Variants in CDH22 observed in about 807,000 individuals in gnomAD.
CDH22 encodes cadherin 22.
Under a neutral mutation model 58.4 loss-of-function variants are expected in CDH22, and 30 were observed. The ratio of observed to expected loss-of-function variants is 0.51; its 90% CI spans 0.38 to 0.70. CDH22 has a LOEUF of 0.70. CDH22 is among the 30% of genes least tolerant of loss of function. The probability of loss-of-function intolerance (pLI) is 0.00; values close to 1 mark genes in which losing one functional copy is unlikely to be tolerated. For missense variants in CDH22, 1,014 were observed against 1,233.9 expected, an observed-to-expected ratio of 0.82 and a Z score of 2.67; for synonymous variants, 513 against 558.2, an observed-to-expected ratio of 0.92 and a Z score of 1.14.
chr20:46,178,204 C>A lies in CDH22; in HGVS notation c.1664-7G>T. ...TGCACTGCAGCGGTGTTGTCTGTTC[C>A]GGAAGAAGGGGGAGCGGTGTGACTT... On this transcript the variant is annotated splice_polypyrimidine_tract_variant and splice_region_variant and intron_variant, in intron 10 of 11. Transcript: ENST00000537909. 1 of 1,606,936 alleles carries A rather than the reference C, an allele frequency of 6.2e-7. No individual in the cohort carries two copies. Among genetic ancestry groups the A allele is most frequent in the South Asian group, 1.1e-5 (1 of 90,856 alleles).
rs533534016 is a variant in CDH22, at chr20:46,198,911, G to A, written c.1423+512C>T. Among the ~76,000 whole-genome samples the A allele has an allele frequency of 2.0e-5, 3 of 151,286 alleles. No homozygotes were observed. In the East Asian group the frequency reaches 6.0e-4, roughly 30 times the overall value. On this transcript the variant is annotated intron_variant, in intron 8 of 11. Transcript: ENST00000537909. ...TAGATGTTCCCCTAAGAGAAGCAAC[G>A]CACCTCCTCCTCCCAGTTCCCTTTC...
At chr20:46,188,907 C>G (rs1019129074) in intron 8 of CDH22, among the ~76,000 whole-genome samples, 2 of 152,106 alleles carry the variant, frequency 1.3e-5, no homozygotes, top group African/African-American at 2.4e-5. Context: ...AGATGGGGCT[C>G]TCTGGCTGGG....
At position 46,210,564 on chromosome 20, in the gene CDH22, C is replaced by A; in HGVS notation, c.1033-4G>T. ...GCTGGGATTCGAAGTCCAGGCGCTG[C>A]GGGAGGGAGCAGAGGGCCGGTTAGT... On this transcript the variant is annotated splice_region_variant and splice_polypyrimidine_tract_variant and intron_variant, in intron 6 of 11. Coordinates refer to ENST00000537909, the MANE Select transcript of CDH22 (RefSeq NM_021248.3). The surrounding 1 kb of genome is among the most constrained non-coding windows in gnomAD (Gnocchi z 4.5). 7.0e-7 allele frequency: 1 copy of A among 1,425,936 alleles called. No homozygotes were observed. The highest frequency in any genetic ancestry group is 1.6e-5 in the South Asian group (1 of 62,318). 88.3% of individuals were successfully genotyped at this position (1,425,936 alleles called of 1,614,324 possible). A position where few individuals can be genotyped will look rare whatever the true frequency, so the allele number is the denominator to read the frequency against.
rs780493045 is a variant in CDH22 at position 46,186,833 on chromosome 20, G to A, written c.1538C>T (p.Pro513Leu). The A allele has an allele frequency of 6.2e-7, 1 of 1,604,284 alleles. No homozygotes were observed. Among genetic ancestry groups the A allele is most frequent in the Non-Finnish European group, 8.5e-7 (1 of 1,174,776 alleles). Reference protein sequence around the residue: ...YEAAVCEDAKPGQLIQTISVV... With the variant: ...YEAAVCEDAKLGQLIQTISVV... ...CCACCCCCTCAGGGGTACCTGGCCT[G>A]GCTTGGCATCCTCGCATACAGCTGC... Residue 513 changes from proline to leucine, a missense_variant, in exon 9 of 12, where the codon CCA becomes CTA. This residue lies in a region of CDH22 where 806 missense variants were observed against 1,038.7 expected (regional missense o/e 0.78). Coordinates refer to ENST00000537909, the MANE Select transcript of CDH22 (RefSeq NM_021248.3).
intron 7 of CDH22, among the ~76,000 whole-genome samples, chr20:46,206,880 C>T (rs1288031854): frequency 2.0e-5 from 3 of 152,196 alleles, no homozygotes; most frequent in African/African-American, 7.2e-5. Context: ...CTGCCTAAGC[C>T]TGTGACCCTG....
intron 3 of CDH22, among the ~76,000 whole-genome samples, chr20:46,235,556 T>TA (rs1464795999): frequency 2.0e-5 from 3 of 152,240 alleles, no homozygotes; most frequent in Non-Finnish European, 4.4e-5. Flanking sequence ...AATTAATTCT[T>TA]AATTTGTTCT....
Position 46,250,499 on chromosome 20 carries a change from G to A in CDH22, c.255+541C>T, listed in dbSNP as rs532460084. 2.6e-5 allele frequency among the ~76,000 whole-genome samples: 4 copies of A among 152,312 alleles called. No individual in the cohort carries two copies. In the South Asian group the frequency reaches 8.3e-4, roughly 32 times the overall value. On this transcript the variant is annotated intron_variant, in intron 2 of 11. Transcript: ENST00000537909. ...GTAAGGTCATCAGTGGAAGGAGCAGGAAAGGGCAGTTCAGCAGGAGAAACA... is the reference window on the plus strand; with the variant it reads ...GTAAGGTCATCAGTGGAAGGAGCAGAAAAGGGCAGTTCAGCAGGAGAAACA...
intron 1 of CDH22, among the ~76,000 whole-genome samples, chr20:46,281,666 G>A (rs1446536947): frequency 6.6e-6 from 1 of 152,220 alleles, no homozygotes; most frequent in Admixed American, 6.5e-5. Flanking sequence ...TTATTTCGAA[G>A]GTAGGTAGCC....
intron 2 of CDH22, among the ~76,000 whole-genome samples, chr20:46,246,837 C>G (rs558190402): frequency 6.6e-6 from 1 of 152,142 alleles, no homozygotes; most frequent in African/African-American, 2.4e-5. Context: ...TGGGGGGAAC[C>G]AGGAAGCAGT....
intron 5 of CDH22, 50 bp from the exon 6 acceptor site, chr20:46,213,238 C>A (rs1303310586): frequency 4.6e-6 from 7 of 1,507,282 alleles, no homozygotes; most frequent in Non-Finnish European, 6.4e-6. Context: ...CCTTCCCCAG[C>A]CTCTGCCAGC....
intron 3 of CDH22, among the ~76,000 whole-genome samples, chr20:46,230,879 G>A (rs2086215872): frequency 6.6e-6 from 1 of 152,204 alleles, no homozygotes; most frequent in South Asian, 2.1e-4. Context: ...AAGCTCACCT[G>A]GTGCAGGAGA....
chr20:46,186,190 G>A (rs1459234496), intron 10 of CDH22, among the ~76,000 whole-genome samples: 1 of 140,508 alleles, frequency 7.1e-6, no homozygotes, highest in Non-Finnish European at 1.5e-5. Context: ...CTGACAGAGC[G>A]AGACCCTGTC....
intron 1 of CDH22, among the ~76,000 whole-genome samples, chr20:46,256,220 C>T (rs1244012256): frequency 1.3e-5 from 2 of 152,098 alleles, no homozygotes; most frequent in Non-Finnish European, 2.9e-5. Context: ...CAGGTGGGGG[C>T]ACAGACAATA....
chr20:46,175,621 C>A (rs2085732712), intron 11 of CDH22, among the ~76,000 whole-genome samples: 1 of 152,220 alleles, frequency 6.6e-6, no homozygotes, highest in Admixed American at 6.5e-5. Context: ...GGTTCCATGC[C>A]TTCCCCTGCA....
chr20:46,234,770 A>G (rs1486395733), intron 3 of CDH22, among the ~76,000 whole-genome samples: 2 of 152,254 alleles, frequency 1.3e-5, no homozygotes, highest in African/African-American at 4.8e-5. Context: ...CTCCTTCTCA[A>G]TACAGCCCAA....
At position 46,246,157 on chromosome 20, in the gene CDH22, A is replaced by T. The variant is rs574404178; in HGVS notation, c.255+4883T>A. On this transcript the variant is annotated intron_variant, in intron 2 of 11. Coordinates refer to ENST00000537909, the MANE Select transcript of CDH22 (RefSeq NM_021248.3). ...ATGTGAGCATAGGTACGTTTTCCTT[A>T]TTAAAGACAATTAAACGGACAGTGC... Among the ~76,000 whole-genome samples the T allele has an allele frequency of 7.9e-5, 12 of 152,374 alleles. No homozygotes were observed. The East Asian group carries it at 2.3e-3, about 29-fold the overall frequency.
chr20:46,236,649 A>ATATCTATCTATCTATC (rs3082934), intron 3 of CDH22, among the ~76,000 whole-genome samples: 21 of 135,822 alleles, frequency 1.5e-4, no homozygotes, highest in Non-Finnish European at 2.6e-4. Flanking sequence ...TTATATATTA[A>ATATCTATCTATCTATC]TATCTATCTA....
chr20:46,275,831 C>A (rs917446637), intron 1 of CDH22, among the ~76,000 whole-genome samples: 3 of 151,850 alleles, frequency 2.0e-5, no homozygotes, highest in Admixed American at 1.3e-4. Flanking sequence ...GGGAAACCCT[C>A]TTAGCCCCAT....
chr20:46,246,781 C>T (rs2086332527), intron 2 of CDH22, among the ~76,000 whole-genome samples: 1 of 152,122 alleles, frequency 6.6e-6, no homozygotes, highest in African/African-American at 2.4e-5. Flanking sequence ...TGCTAAGCTA[C>T]CTTTAGAATT....
Sources: gnomAD v4.1 joint callset for allele counts (sites outside exome capture counted in the v4.1 genomes callset) on GRCh38, gnomAD v4.1.1 for gene constraint, gnomAD v4.1.1 regional missense constraint, Gnocchi (gnomAD v3.1) non-coding constraint, MANE v1.5 for transcripts, NCBI Gene and HGNC (gene_info 2026-07-23, HGNC 2026-07-21) for gene names.